The following CSDC2 variants were observed in gnomAD, a reference collection of about 807,000 sequenced individuals.
CSDC2 encodes cold shock domain containing C2, also known as cold shock domain-containing protein C2.
CSDC2 carries 8 observed loss-of-function variants against 15.8 expected under a neutral mutation model. That is an observed-to-expected ratio of 0.51 (90% CI 0.30 to 0.92). The LOEUF (loss-of-function observed/expected upper bound fraction) is 0.92, where lower values mean the gene tolerates loss of function less well. Ranked by LOEUF, CSDC2 falls within the 40% of genes least tolerant of loss-of-function variation. CSDC2 has a pLI of 0.07. For synonymous variants in CSDC2, 96 were observed against 92.3 expected (o/e 1.04, Z -0.23); for missense variants, 195 against 213.3 (o/e 0.91, Z 0.53).
chr22:41,566,648 G>GT (rs1569047442), intron 1 of CSDC2, among the ~76,000 whole-genome samples: 3 of 143,756 alleles, frequency 2.1e-5, no homozygotes, highest in South Asian at 2.3e-4. Flanking sequence ...AAAAAAAAAA[G>GT]GGGGAGGGTC....
intron 1 of CSDC2, among the ~76,000 whole-genome samples, chr22:41,564,496 G>A (rs1459741535): frequency 2.0e-5 from 3 of 151,972 alleles, no homozygotes; most frequent in Admixed American, 6.6e-5. Flanking sequence ...TCCTGACCTC[G>A]TGATCCACCC....
At chr22:41,562,996 G>A (rs1035647860) in intron 1 of CSDC2, among the ~76,000 whole-genome samples, 1 of 152,160 alleles carries the variant, frequency 6.6e-6, no homozygotes, top group East Asian at 1.9e-4. Flanking sequence ...TGGGACTGGG[G>A]TGCGTATTTG....
intron 2 of CSDC2, among the ~76,000 whole-genome samples, chr22:41,572,356 C>T (rs1187198603): frequency 8.6e-4 from 20 of 23,378 alleles, no homozygotes; most frequent in African/African-American, 3.4e-3. Flanking sequence ...ACCCACCCAC[C>T]CACCCACCCA....
At position 41,566,102 on chromosome 22, in the gene CSDC2, C is replaced by T. The variant is rs6002401; in HGVS notation, c.-124+4919C>T. Among the ~76,000 whole-genome samples, 270 of 138,890 alleles carry T rather than the reference C, an allele frequency of 1.9e-3. 2 individuals carry two copies. Among genetic ancestry groups the T allele is most frequent in the African/African-American group, 7.0e-3 (257 of 36,666 alleles). 91.1% of individuals were successfully genotyped at this position (138,890 alleles called of 152,430 possible). On this transcript the variant is annotated intron_variant, in intron 1 of 3. Coordinates refer to ENST00000306149, the MANE Select transcript of CSDC2 (RefSeq NM_014460.4). ...GGTGGATCACCTGCAGTCAGGAGTT[C>T]GAGACCAGCCTGGCCAACATGGTGA...
Position 41,572,122 on chromosome 22 carries a change from C to A in CSDC2, c.157C>A (p.Arg53=), listed in dbSNP as rs769173409. The A allele has an allele frequency of 1.6e-5, 22 of 1,337,288 alleles. No individual in the cohort carries two copies. The highest frequency in any genetic ancestry group is 2.0e-5 in the Non-Finnish European group (21 of 1,038,120). 82.8% of individuals were successfully genotyped at this position (1,337,288 alleles called of 1,614,324 possible). A position where few individuals can be genotyped will look rare whatever the true frequency, so the allele number is the denominator to read the frequency against. The stretch of plus-strand genomic sequence containing the variant: ...CCTACCCAGCCCTCTGCCCACCAAG[C>A]GGACCAGGACCTATTCAGCGTGAGT... ...RDLPSPLPTK[R]TRTYSATARA... Residue 53 remains arginine, a synonymous_variant, in exon 2 of 4, where the codon CGG becomes AGG. Transcript: ENST00000306149.
Position 41,574,893 on chromosome 22 carries a change from T to C in CSDC2, c.460T>C (p.Ter154GlnextTer31), listed in dbSNP as rs745865555. ...ETWSGQVVGS[*>Q] ...GTGGTCTGGCCAGGTCGTGGGCTCC[T>C]AGGCTGAGTGGTTCACAGGCCAGCT... is the stretch of plus-strand genomic sequence containing the variant. The change falls in exon 4 of 4, where the codon TAG (stop) becomes CAG (glutamine). Residue 154 changes from the stop codon to glutamine (Q), a stop_lost. Transcript: ENST00000306149. 2 of 1,587,780 alleles carry C rather than the reference T, an allele frequency of 1.3e-6. No homozygotes were observed. Among genetic ancestry groups the C allele is most frequent in the East Asian group, 2.3e-5 (1 of 43,386 alleles).
At chr22:41,565,816 G>C (rs2067110896) in intron 1 of CSDC2, among the ~76,000 whole-genome samples, 1 of 152,200 alleles carries the variant, frequency 6.6e-6, no homozygotes, top group African/African-American at 2.4e-5. Context: ...TTTGTCTGCA[G>C]AGTCAGTCAT....
In CSDC2 at chr22:41,561,075, C is replaced by T. The variant is rs2067081287; in HGVS notation, c.-232C>T. On this transcript the variant is annotated 5_prime_UTR_variant, in exon 1 of 4. Transcript: ENST00000306149. ...ACACACACACACACACACACACACACACACACATCTTCCAGACCCATCCCC... is the reference window on the plus strand; with the variant it reads ...ACACACACACACACACACACACACATACACACATCTTCCAGACCCATCCCC... The T allele has an allele frequency of 1.3e-5, 1 of 77,160 alleles. No homozygotes were observed. Among genetic ancestry groups the T allele is most frequent in the Admixed American group, 1.1e-4 (1 of 9,224 alleles). The allele number at this position is 77,160 out of a possible 1,614,324, so 4.8% of individuals were successfully genotyped here.
chr22:41,571,569 G>A (rs17002501), intron 1 of CSDC2, among the ~76,000 whole-genome samples: 2,817 of 152,194 alleles, frequency 0.019, 88 homozygotes, highest in African/African-American at 0.063. Context: ...CCCTTATGCC[G>A]AACCATATTC....
intron 1 of CSDC2, among the ~76,000 whole-genome samples, chr22:41,561,392 C>T (rs971021829): frequency 3.9e-5 from 6 of 152,184 alleles, no homozygotes; most frequent in Non-Finnish European, 5.9e-5. Flanking sequence ...GTGTGGCTCC[C>T]GTGGGAGCAT....
chr22:41,571,532 C>A (rs938769745), intron 1 of CSDC2, among the ~76,000 whole-genome samples: 6 of 152,110 alleles, frequency 3.9e-5, no homozygotes, highest in Non-Finnish European at 7.4e-5. Context: ...AGGTTTGAAC[C>A]CAGATGTGTG....
Position 41,572,315 on chromosome 22 carries a change from C to CCCATCCATCCAT in CSDC2, c.176+194_176+205dup, listed in dbSNP as rs768020765. On this transcript the variant is annotated intron_variant, in intron 2 of 3. Transcript: ENST00000306149. ...ATCCATTCATCCATCCACCCATCCACCCATCCATCCATCCATCCATCCATC... is the reference window on the plus strand; with the variant it reads ...ATCCATTCATCCATCCACCCATCCACCCATCCATCCATCCATCCATCCATCCATCCATCCATC... Among the ~76,000 whole-genome samples the CCCATCCATCCAT allele has an allele frequency of 2.4e-4, 29 of 120,262 alleles. 3 individuals are homozygous for CCCATCCATCCAT. Among genetic ancestry groups the CCCATCCATCCAT allele is most frequent in the African/African-American group, 7.3e-4 (21 of 28,874 alleles). The allele number at this position is 120,262 out of a possible 152,430, so 78.9% of individuals were successfully genotyped here.
chr22:41,574,951 G>A lies in CSDC2; in HGVS notation c.*56G>A, dbSNP rs2067167648. ...GGTTGGGGAGCCACACAGGGTGAAC[G>A]GGCAGCAGCCGGCTCCATGCCCCAC... On this transcript the variant is annotated 3_prime_UTR_variant, in exon 4 of 4. Transcript: ENST00000306149. 2.0e-6 allele frequency: 3 copies of A among 1,533,408 alleles called. No homozygotes were observed. Among genetic ancestry groups the A allele is most frequent in the Admixed American group, 2.0e-5 (1 of 50,430 alleles). 95.0% of individuals were successfully genotyped at this position (1,533,408 alleles called of 1,614,324 possible).
At chr22:41,572,272 T>A in intron 2 of CSDC2, 131 bp downstream of exon 2, 1 of 689,634 alleles carries the variant, frequency 1.5e-6, no homozygotes, top group South Asian at 8.0e-5. Flanking sequence ...AGTAACTGGA[T>A]GGATGTTTGT....
In CSDC2 at chr22:41,573,739, C is replaced by G. The variant is rs765198025; in HGVS notation, c.261C>G (p.Pro87=). 7 of 1,613,940 alleles carry G rather than the reference C, an allele frequency of 4.3e-6. No homozygotes were observed. Among genetic ancestry groups the G allele is most frequent in the Middle Eastern group, 1.7e-4 (1 of 6,060 alleles). Residue 87 remains proline (P), a synonymous_variant, in exon 3 of 4, where the codon CCC becomes CCG. Transcript: ENST00000306149. ...CACAGGGCCATGGCTTCATCACCCC[C>G]GAGAACGGGTCCGAGGACATCTTCG... The part of the protein sequence containing the change: ...SRSQGHGFIT[P]ENGSEDIFVH...
At chr22:41,561,887 A>G (rs980461808) in intron 1 of CSDC2, among the ~76,000 whole-genome samples, 4 of 152,284 alleles carry the variant, frequency 2.6e-5, no homozygotes, top group East Asian at 3.9e-4. Flanking sequence ...CTTGGGATAC[A>G]GGGACTTAGG....
intron 1 of CSDC2, among the ~76,000 whole-genome samples, chr22:41,566,458 A>C (rs1450061978): frequency 1.4e-5 from 2 of 147,930 alleles, no homozygotes; most frequent in South Asian, 2.1e-4. Flanking sequence ...AAAAAAAAAA[A>C]AAAAAAAAAC....
intron 1 of CSDC2, among the ~76,000 whole-genome samples, chr22:41,563,594 C>T (rs1379713865): frequency 3.9e-5 from 6 of 152,124 alleles, no homozygotes; most frequent in African/African-American, 7.2e-5. Flanking sequence ...AGCCCCAGTC[C>T]TGGCTCCCCA....
intron 1 of CSDC2, among the ~76,000 whole-genome samples, chr22:41,569,522 G>T (rs934006711): frequency 6.6e-6 from 1 of 152,156 alleles, no homozygotes; most frequent in Non-Finnish European, 1.5e-5. Context: ...CTGTGTTTTT[G>T]GGACTGGCTT....
Sources: gnomAD v4.1 joint callset for allele counts (sites outside exome capture counted in the v4.1 genomes callset) on GRCh38, gnomAD v4.1.1 for gene constraint, MANE v1.5 for transcripts, NCBI Gene and HGNC (gene_info 2026-07-23, HGNC 2026-07-21) for gene names.